The following HTT variants were observed in gnomAD, a reference collection of about 807,000 sequenced individuals.
HTT encodes the protein huntington disease protein.
A neutral mutation model predicts 362.3 loss-of-function variants in HTT; 104 were observed. The observed-to-expected ratio is 0.29, with a 90% confidence interval of 0.24 to 0.34. The LOEUF is 0.34. HTT is among the 10% of genes least tolerant of loss of function. HTT has a pLI of 1.00. For missense variants in HTT, 3,301 were observed against 3,928.6 expected (o/e 0.84, Z 4.27); for synonymous variants, 1,577 against 1,548.7 (o/e 1.02, Z -0.43).
chr4:3,232,577 C>T (rs1430891433), intron 60 of HTT, among the ~76,000 whole-genome samples: 1 of 152,242 alleles, frequency 6.6e-6, no homozygotes, highest in Non-Finnish European at 1.5e-5. Context: ...ATCCCCAAGA[C>T]TACCCCAGGC....
chr4:3,178,850 T>C (rs1372762034), intron 35 of HTT, among the ~76,000 whole-genome samples: 1 of 152,146 alleles, frequency 6.6e-6, no homozygotes, highest in Non-Finnish European at 1.5e-5. Context: ...TCCAGTGGTA[T>C]TGGAGATATA....
At chr4:3,238,772 C>A in intron 65 of HTT, 46 bp from the exon 66 acceptor site, 1 of 1,363,418 alleles carries the variant, frequency 7.3e-7, no homozygotes, top group Non-Finnish European at 9.9e-7. Flanking sequence ...CAGGTGCTTC[C>A]CGTCCCCCCA....
chr4:3,169,576 A>ATT (rs796658900), intron 29 of HTT, among the ~76,000 whole-genome samples: 2 of 144,806 alleles, frequency 1.4e-5, no homozygotes, highest in African/African-American at 5.1e-5. Flanking sequence ...TGTCCAGCGT[A>ATT]TTTTTTTTTT....
chr4:3,155,129 G>A (rs982794123), intron 27 of HTT, among the ~76,000 whole-genome samples: 4 of 151,988 alleles, frequency 2.6e-5, no homozygotes, highest in Non-Finnish European at 5.9e-5. Context: ...CCATTCTCAC[G>A]CTGTCTCTTG....
At chr4:3,187,329 G>A (rs1371767270) in intron 38 of HTT, among the ~76,000 whole-genome samples, 4 of 151,744 alleles carry the variant, frequency 2.6e-5, no homozygotes, top group Non-Finnish European at 4.4e-5. Flanking sequence ...CTAATTTTTT[G>A]TATTTTTAGT....
chr4:3,211,689 T>C (rs932319751), intron 47 of HTT, among the ~76,000 whole-genome samples: 2 of 152,176 alleles, frequency 1.3e-5, no homozygotes, highest in African/African-American at 2.4e-5. Flanking sequence ...ATTAAAATAT[T>C]ACTTAAAATA....
At chr4:3,200,168 A>G (rs1719463933) in intron 41 of HTT, among the ~76,000 whole-genome samples, 1 of 152,036 alleles carries the variant, frequency 6.6e-6, no homozygotes. Flanking sequence ...TCTAAATGCG[A>G]TTTTCTTTGG....
In HTT at chr4:3,172,980, C is replaced by G; in HGVS notation, c.4015C>G (p.Gln1339Glu). Residue 1339 changes from glutamine (Q) to glutamate (E), a missense_variant, in exon 31 of 67, where the codon CAA becomes GAA. Gln to Glu is a conservative substitution (Grantham distance 29, BLOSUM62 2). This residue lies in a region of HTT where 2,316 missense variants were observed against 2,658.5 expected (regional missense o/e 0.87). Transcript: ENST00000355072. Reference protein sequence around the residue: ...DGLSSNPSKSQGRAQRLGSSS... With the variant: ...DGLSSNPSKSEGRAQRLGSSS... Reference sequence around the variant, plus strand: ...CTTATCTTCCAACCCCAGCAAGTCACAAGGCCGAGCACAGCGCCTTGGCTC... The same window carrying G: ...CTTATCTTCCAACCCCAGCAAGTCAGAAGGCCGAGCACAGCGCCTTGGCTC... The G allele has an allele frequency of 6.2e-7, 1 of 1,614,244 alleles. No individual in the cohort carries two copies. Among genetic ancestry groups the G allele is most frequent in the Non-Finnish European group, 8.5e-7 (1 of 1,180,048 alleles).
chr4:3,235,961 G>A (rs1413857524), intron 63 of HTT, among the ~76,000 whole-genome samples, 183 bp downstream of exon 63: 1 of 152,226 alleles, frequency 6.6e-6, no homozygotes, highest in Admixed American at 6.5e-5. Flanking sequence ...TACCTGGTCA[G>A]GGTTGACCGT....
chr4:3,109,817 GA>G (rs1714642246), intron 6 of HTT, among the ~76,000 whole-genome samples: 1 of 152,100 alleles, frequency 6.6e-6, no homozygotes, highest in South Asian at 2.1e-4. Context: ...AGCACCCGGG[GA>G]TCTGCTGATC....
At chr4:3,177,505 G>C (rs1408448433) in intron 34 of HTT, 118 bp downstream of exon 34, 2 of 652,114 alleles carry the variant, frequency 3.1e-6, no homozygotes, top group Non-Finnish European at 5.2e-6. Flanking sequence ...TCTTTAAATG[G>C]AAATCTGACT....
chr4:3,209,561 C>A (rs902128380), intron 46 of HTT, among the ~76,000 whole-genome samples: 5 of 152,168 alleles, frequency 3.3e-5, no homozygotes, highest in Non-Finnish European at 2.9e-5. Context: ...GGGCCGCTAA[C>A]CCTTAGTGGT....
chr4:3,228,587 A>C lies in HTT; in HGVS notation c.7849-28A>C, dbSNP rs1023874524. The C allele has an allele frequency of 1.3e-6, 2 of 1,537,176 alleles. No homozygotes were observed. Among genetic ancestry groups the C allele is most frequent in the South Asian group, 1.3e-5 (1 of 79,216 alleles). Reference sequence around the variant, plus strand: ...AGGAGCCTGGCACTGTGGCCGCAGCACTGAGCAGTGCCCCGTTTCTGTGGC... The same window carrying C: ...AGGAGCCTGGCACTGTGGCCGCAGCCCTGAGCAGTGCCCCGTTTCTGTGGC... On this transcript the variant is annotated intron_variant, in intron 57 of 66. Coordinates refer to ENST00000355072, the MANE Select transcript of HTT (RefSeq NM_001388492.1). This position sits in a 1 kb window ranked among gnomAD's most constrained non-coding sequence, Gnocchi z 4.3.
At chr4:3,145,037 C>A in intron 23 of HTT, 115 bp from the exon 24 acceptor site, 1 of 817,726 alleles carries the variant, frequency 1.2e-6, no homozygotes. Flanking sequence ...GGTTATCATA[C>A]ACAGATCTCA....
In HTT at chr4:3,074,927, GCAGCA is replaced by G; in HGVS notation, c.103_107del (p.Gln35AlafsTer46). ...AGCAGCAGCAGCAGCAGCAGCAGCAGCAGCAGCAACAGCCGCCACCGCCGCCGCCG... is the reference window on the plus strand; with the variant it reads ...AGCAGCAGCAGCAGCAGCAGCAGCAGGCAACAGCCGCCACCGCCGCCGCCG... On this transcript the variant is annotated frameshift_variant, in exon 1 of 67. Transcript: ENST00000355072. LOFTEE classifies it high-confidence loss of function. 1.6e-6 allele frequency: 2 copies of G among 1,278,522 alleles called. No individual in the cohort carries two copies. The highest frequency in any genetic ancestry group is 6.3e-5 in the East Asian group (2 of 31,780). The allele number at this position is 1,278,522 out of a possible 1,614,324, so 79.2% of individuals were successfully genotyped here.
Position 3,130,436 on chromosome 4 carries a change from GGCTTGAGACGACTTGGTGTTTCTGAGCTT to G in HTT, c.1986+15_1986+43del. ...TCAAGAAAACAAGGTGAGGGACATA[GGCTTGAGACGACTTGGTGTTTCTGAGCTT>G]GTGTGAGGATTTAAAATCGCCCTGG... On this transcript the variant is annotated intron_variant, in intron 14 of 66. Transcript: ENST00000355072. The G allele has an allele frequency of 7.2e-7, 1 of 1,391,130 alleles. No homozygotes were observed. The highest frequency in any genetic ancestry group is 1.0e-6 in the Non-Finnish European group (1 of 992,080). The allele number at this position is 1,391,130 out of a possible 1,614,324, so 86.2% of individuals were successfully genotyped here. A position where few individuals can be genotyped will look rare whatever the true frequency, so the allele number is the denominator to read the frequency against.
intron 53 of HTT, 49 bp from the exon 54 acceptor site, chr4:3,222,338 C>G (rs775660453): frequency 3.2e-5 from 49 of 1,525,416 alleles, no homozygotes; most frequent in Non-Finnish European, 3.2e-5. Context: ...CTCTCCGTTA[C>G]AGGCTTGAGA....
chr4:3,145,697 C>G (rs1330428037), intron 24 of HTT, among the ~76,000 whole-genome samples: 1 of 152,192 alleles, frequency 6.6e-6, no homozygotes, highest in African/African-American at 2.4e-5. Flanking sequence ...GAAATAATTT[C>G]AAGTCTTCTC....
chr4:3,225,548 G>A (rs1720871716), intron 56 of HTT, 113 bp from the exon 57 acceptor site: 1 of 831,334 alleles, frequency 1.2e-6, no homozygotes, highest in Admixed American at 2.7e-5. Flanking sequence ...TGGCGGCGAG[G>A]GCAGGTGGCT....
Sources: gnomAD v4.1 joint callset for allele counts (sites outside exome capture counted in the v4.1 genomes callset) on GRCh38, gnomAD v4.1.1 for gene constraint, gnomAD v4.1.1 regional missense constraint, Gnocchi (gnomAD v3.1) non-coding constraint, MANE v1.5 for transcripts, NCBI Gene and HGNC (gene_info 2026-07-23, HGNC 2026-07-21) for gene names.